CACNA2D2: variants seen among roughly 807,000 people sequenced by gnomAD.
The protein encoded by CACNA2D2 is voltage-dependent calcium channel subunit alpha-2/delta-2.
A neutral mutation model predicts 166.4 loss-of-function variants in CACNA2D2; 48 were observed. That is an observed-to-expected ratio of 0.29 (90% confidence interval 0.23 to 0.37). CACNA2D2 has a LOEUF of 0.37. Ranked by LOEUF, CACNA2D2 falls within the 10% of genes least tolerant of loss-of-function variation. CACNA2D2 has a pLI of 1.00. For missense variants in CACNA2D2, 1,122 were observed against 1,433.0 expected, an observed-to-expected ratio of 0.78 and a Z score of 3.50; for synonymous variants, 561 against 573.7, an observed-to-expected ratio of 0.98 and a Z score of 0.32.
Position 50,479,222 on chromosome 3 carries a change from C to T in CACNA2D2, c.207-3023G>A, listed in dbSNP as rs56737163. Among the ~76,000 whole-genome samples, 978 of 152,244 alleles carry T rather than the reference C, an allele frequency of 6.4e-3. 14 individuals are homozygous for T. The highest frequency in any genetic ancestry group is 0.023 in the African/African-American group (953 of 41,542). On this transcript the variant is annotated intron_variant, in intron 1 of 37. Coordinates refer to ENST00000424201, the MANE Select transcript of CACNA2D2 (RefSeq NM_006030.4). ...CAGTCTCCTTACTCCCACCCTGAGGCTGAGTAGCTCTAGACTCTGCTATGG... is the reference window on the plus strand; with the variant it reads ...CAGTCTCCTTACTCCCACCCTGAGGTTGAGTAGCTCTAGACTCTGCTATGG...
In CACNA2D2 at chr3:50,365,797, G is replaced by A. The variant is rs759415724; in HGVS notation, c.2915+13C>T. On this transcript the variant is annotated intron_variant, in intron 33 of 37. Coordinates refer to ENST00000424201, the MANE Select transcript of CACNA2D2 (RefSeq NM_006030.4). The surrounding 1 kb of genome is among the most constrained non-coding windows in gnomAD (Gnocchi z 4.5). ...GGAGCACCTTCTCTACCCACCTCCC[G>A]CTCAGGACTCACCAGGCGGCAGCAG... 4 of 1,613,290 alleles carry A rather than the reference G, an allele frequency of 2.5e-6. No individual in the cohort carries two copies. Among genetic ancestry groups the A allele is most frequent in the Non-Finnish European group, 3.4e-6 (4 of 1,179,986 alleles).
intron 3 of CACNA2D2, among the ~76,000 whole-genome samples, chr3:50,412,969 G>T (rs1707092612): frequency 6.6e-6 from 1 of 152,234 alleles, no homozygotes; most frequent in Non-Finnish European, 1.5e-5. Flanking sequence ...CAGGACTTGG[G>T]ACAGGGAGAG....
rs1704214742 is a variant in CACNA2D2, at chr3:50,365,610, GGC to G, written c.2971+21_2971+22del. The G allele has an allele frequency of 1.9e-6, 3 of 1,572,838 alleles. No homozygotes were observed. Among genetic ancestry groups the G allele is most frequent in the African/African-American group, 2.7e-5 (2 of 74,432 alleles). On this transcript the variant is annotated intron_variant, in intron 34 of 37. Transcript: ENST00000424201. This position sits in a 1 kb window ranked among gnomAD's most constrained non-coding sequence, Gnocchi z 4.5. The stretch of plus-strand genomic sequence containing the variant: ...CAGATTGGGGACCCGGACTTGAGGA[GGC>G]GCCTCCAAAGCCCTACCTACCTGCT...
chr3:50,459,708 C>T (rs544893662), intron 2 of CACNA2D2, among the ~76,000 whole-genome samples: 1 of 152,328 alleles, frequency 6.6e-6, no homozygotes, highest in African/African-American at 2.4e-5. Context: ...ACACTTGTAC[C>T]AGGACCCCGG....
intron 2 of CACNA2D2, among the ~76,000 whole-genome samples, chr3:50,460,560 C>A (rs1395133315): frequency 6.6e-6 from 1 of 152,076 alleles, no homozygotes; most frequent in Non-Finnish European, 1.5e-5. Flanking sequence ...AGATATTATT[C>A]TTAAAAAGGT....
intron 23 of CACNA2D2, 40 bp downstream of exon 23, chr3:50,370,280 G>T (rs1704582139): frequency 6.7e-7 from 1 of 1,495,270 alleles, no homozygotes; most frequent in Non-Finnish European, 9.1e-7. Flanking sequence ...GGGCGGTCAG[G>T]GTAGGGGAGG....
chr3:50,443,016 G>A (rs942024798), intron 2 of CACNA2D2, among the ~76,000 whole-genome samples: 1 of 152,158 alleles, frequency 6.6e-6, no homozygotes, highest in African/African-American at 2.4e-5. Context: ...TGAGCCTGAG[G>A]TGAACCAAAC....
chr3:50,408,998 G>C (rs1444104649), intron 3 of CACNA2D2, among the ~76,000 whole-genome samples: 1 of 152,220 alleles, frequency 6.6e-6, no homozygotes, highest in African/African-American at 2.4e-5. Context: ...AGGGACCCCT[G>C]AATCCCAGCT....
chr3:50,501,358 G>T (rs1698954847), intron 1 of CACNA2D2, among the ~76,000 whole-genome samples: 2 of 151,410 alleles, frequency 1.3e-5, no homozygotes, highest in South Asian at 4.2e-4. Flanking sequence ...CCTCCCCCTG[G>T]ACCCTCAGAG....
chr3:50,377,380 C>T (rs1304454389), intron 17 of CACNA2D2, 87 bp downstream of exon 17: 31 of 1,071,872 alleles, frequency 2.9e-5, no homozygotes, highest in East Asian at 2.0e-4. Flanking sequence ...TCCATGGAGG[C>T]GCTGTAATAC....
intron 17 of CACNA2D2, 76 bp downstream of exon 17, chr3:50,377,391 C>A: frequency 1.7e-6 from 2 of 1,206,450 alleles, no homozygotes; most frequent in Non-Finnish European, 1.2e-6. Context: ...GCTGTAATAC[C>A]CATCAGTCTT....
At chr3:50,407,854 G>A (rs538343101) in intron 3 of CACNA2D2, among the ~76,000 whole-genome samples, 22 of 152,220 alleles carry the variant, frequency 1.4e-4, no homozygotes, top group Admixed American at 3.9e-4. Context: ...AGATGAAGGG[G>A]ATAAGGGAAG....
intron 3 of CACNA2D2, among the ~76,000 whole-genome samples, chr3:50,397,955 G>A (rs1044263072): frequency 6.6e-6 from 1 of 152,166 alleles, no homozygotes; most frequent in Non-Finnish European, 1.5e-5. Context: ...GCTGACAATA[G>A]TCAGGCCTGC....
At chr3:50,471,349 C>T (rs888352912) in intron 2 of CACNA2D2, among the ~76,000 whole-genome samples, 2 of 152,270 alleles carry the variant, frequency 1.3e-5, no homozygotes, top group East Asian at 3.9e-4. Context: ...CACATGTTAA[C>T]CACAGTGCTC....
intron 3 of CACNA2D2, among the ~76,000 whole-genome samples, chr3:50,412,308 G>C (rs1379290202): frequency 6.6e-6 from 1 of 152,256 alleles, no homozygotes; most frequent in Admixed American, 6.5e-5. Context: ...GCCCTGCTCT[G>C]AGCCACCACC....
rs1705480439 is a variant in CACNA2D2, at chr3:50,384,308, C to T, written c.540G>A (p.Arg180=). The part of the protein sequence containing the change: ...LDDPESEDVE[R]GSKASTLRLD... ...GCCTTAGGGTGCTGGCCTTAGACCC[C>T]CTTTCCACATCCTCACTCTCAGGGT... The change falls in exon 6 of 38, where the codon AGG becomes AGA. Residue 180 remains arginine, a synonymous_variant. Transcript: ENST00000424201. 3 of 1,614,008 alleles carry T rather than the reference C, an allele frequency of 1.9e-6. No homozygotes were observed. The highest frequency in any genetic ancestry group is 8.5e-7 in the Non-Finnish European group (1 of 1,180,004).
At position 50,375,249 on chromosome 3, in the gene CACNA2D2, C is replaced by A. The variant is rs1704909958; in HGVS notation, c.1907+395G>T. Among the ~76,000 whole-genome samples, 1 of 152,098 alleles carries A rather than the reference C, an allele frequency of 6.6e-6. No individual in the cohort carries two copies. On this transcript the variant is annotated intron_variant, in intron 21 of 37. Coordinates refer to ENST00000424201, the MANE Select transcript of CACNA2D2 (RefSeq NM_006030.4). The surrounding 1 kb of genome is among the most constrained non-coding windows in gnomAD (Gnocchi z 4.0). ...CAGATATGGTGGGGGCAGGGGGTGG[C>A]AGTTGTGGGCTGGCATGGGCTGTGA...
chr3:50,382,525 T>C (rs948416326), intron 6 of CACNA2D2, among the ~76,000 whole-genome samples: 1 of 152,242 alleles, frequency 6.6e-6, no homozygotes, highest in Non-Finnish European at 1.5e-5. Context: ...CTCCCTTCGC[T>C]GTCTGTTCCT....
intron 3 of CACNA2D2, among the ~76,000 whole-genome samples, chr3:50,423,906 C>T (rs1707687035): frequency 6.6e-6 from 1 of 152,214 alleles, no homozygotes. Flanking sequence ...GCCCTGCAGC[C>T]CAGGATTGTT....
Sources: allele counts gnomAD v4.1 joint callset (sites outside exome capture counted in the v4.1 genomes callset), GRCh38; gene constraint gnomAD v4.1.1; non-coding constraint Gnocchi (gnomAD v3.1); transcripts MANE v1.5; gene names NCBI Gene and HGNC (gene_info 2026-07-23, HGNC 2026-07-21).